SRGAP2B: variants seen among roughly 807,000 people sequenced by gnomAD.
The protein encoded by SRGAP2B is SLIT-ROBO Rho GTPase-activating protein 2B.
SRGAP2B carries 9 observed loss-of-function variants against 22.2 expected under a neutral mutation model. The ratio of observed to expected loss-of-function variants is 0.41; its 90% CI spans 0.24 to 0.71. The LOEUF (loss-of-function observed/expected upper bound fraction) is 0.71. Ranked by LOEUF, SRGAP2B falls within the 30% of genes least tolerant of loss-of-function variation. SRGAP2B has a pLI of 0.35. For synonymous variants in SRGAP2B, 36 were observed against 87.4 expected, an observed-to-expected ratio of 0.41 and a Z score of 3.28; for missense variants, 114 against 235.8, an observed-to-expected ratio of 0.48 and a Z score of 3.38.
intron 2 of SRGAP2B, among the ~76,000 whole-genome samples, chr1:145,010,739 G>C (rs1671992913): frequency 6.6e-6 from 1 of 150,528 alleles, no homozygotes; most frequent in Admixed American, 6.6e-5. Flanking sequence ...AACACTGGAA[G>C]AGAAAGTCCA....
At chr1:144,950,862 T>C (rs77926618) in intron 4 of SRGAP2B, among the ~76,000 whole-genome samples, 3,299 of 150,792 alleles carry the variant, frequency 0.022, 265 homozygotes, top group African/African-American at 0.077. Context: ...CTCTTCTTTT[T>C]TTCTGAGACG....
intron 4 of SRGAP2B, among the ~76,000 whole-genome samples, chr1:144,953,435 T>A (rs1276288121): frequency 3.3e-5 from 5 of 150,052 alleles, no homozygotes; most frequent in Non-Finnish European, 7.5e-5. Flanking sequence ...TATTAAATTA[T>A]AATAGGCATA....
chr1:144,905,735 T>C (rs1570714072), intron 6 of SRGAP2B, 124 bp downstream of exon 6: 4 of 702,086 alleles, frequency 5.7e-6, no homozygotes, highest in African/African-American at 1.9e-5. Context: ...TTTTCAGTCA[T>C]TAGGCACTAA....
At chr1:145,089,102 T>C (rs1285345480) in intron 2 of SRGAP2B, among the ~76,000 whole-genome samples, 5 of 151,390 alleles carry the variant, frequency 3.3e-5, no homozygotes, top group African/African-American at 1.2e-4. Flanking sequence ...CCATTATTTA[T>C]CAGGGACTTG....
intron 3 of SRGAP2B, among the ~76,000 whole-genome samples, chr1:144,963,006 C>T (rs56127661): frequency 0.24 from 35,704 of 147,876 alleles, 1,946 homozygotes; most frequent in Non-Finnish European, 0.34. Flanking sequence ...GGTCTTGTGG[C>T]TTGTGTGTAC....
intron 2 of SRGAP2B, among the ~76,000 whole-genome samples, chr1:145,061,825 T>G (rs1333427753): frequency 7.8e-6 from 1 of 128,734 alleles, no homozygotes; most frequent in Non-Finnish European, 1.6e-5. Context: ...TACATATTTT[T>G]AAGTTAAAAT....
chr1:144,923,606 TC>T (rs1664420651), intron 4 of SRGAP2B, among the ~76,000 whole-genome samples: 1 of 133,950 alleles, frequency 7.5e-6, no homozygotes, highest in African/African-American at 3.1e-5. Flanking sequence ...TGGGAGAGAA[TC>T]GGGGGAAAGA....
chr1:144,962,892 T>TC (rs1667783164), intron 3 of SRGAP2B, among the ~76,000 whole-genome samples: 1 of 151,846 alleles, frequency 6.6e-6, no homozygotes, highest in South Asian at 2.1e-4. Flanking sequence ...GGATCAACAT[T>TC]CTTTTTTCTG....
rs377171973 is a variant in SRGAP2B, at chr1:145,013,224, C to T, written c.68-18024G>A. 4.0e-3 allele frequency among the ~76,000 whole-genome samples: 591 copies of T among 147,640 alleles called. 38 individuals carry two copies. In the East Asian group the frequency reaches 0.11, roughly 27 times the overall value. ...AGTGAGAAGAAGATTTAAAAGTACCCGTGTGAGCCCCAGTGACACATGCAC... is the reference window on the plus strand; with the variant it reads ...AGTGAGAAGAAGATTTAAAAGTACCTGTGTGAGCCCCAGTGACACATGCAC... On this transcript the variant is annotated intron_variant, in intron 2 of 9. Transcript: ENST00000612199.
At chr1:145,076,016 C>T (rs1652468941) in intron 2 of SRGAP2B, among the ~76,000 whole-genome samples, 2 of 150,220 alleles carry the variant, frequency 1.3e-5, no homozygotes, top group African/African-American at 5.0e-5. Context: ...TTTATCTATA[C>T]AACCACCCTG....
chr1:144,994,033 ATTC>A lies in SRGAP2B; in HGVS notation c.260+972_260+974del, dbSNP rs1475793379. On this transcript the variant is annotated intron_variant, in intron 3 of 9. Transcript: ENST00000612199. ...CATATTTTATGGGTGGCCCAAGACAATTCTTCTTCTTCCAATGTGGCCCAGGGA... is the reference window on the plus strand; with the variant it reads ...CATATTTTATGGGTGGCCCAAGACAATTCTTCTTCCAATGTGGCCCAGGGA... Among the ~76,000 whole-genome samples, 8 of 149,412 alleles carry A rather than the reference ATTC, an allele frequency of 5.4e-5. No homozygotes were observed. In the East Asian group the frequency reaches 9.8e-4, roughly 18 times the overall value.
In SRGAP2B at chr1:145,082,225, TAAGGTC is replaced by T. The variant is rs1217218661; in HGVS notation, c.67+10604_67+10609del. 2.2e-4 allele frequency among the ~76,000 whole-genome samples: 32 copies of T among 146,350 alleles called. 1 individual carries two copies. Among genetic ancestry groups the T allele is most frequent in the Admixed American group, 4.6e-4 (7 of 15,070 alleles). On this transcript the variant is annotated intron_variant, in intron 2 of 9. Transcript: ENST00000612199. Reference sequence around the variant, plus strand: ...GAACCATTCATTCACAACGTATAAATAAGGTCAAGGGTATTTCATACCAAATGACTT... The same window carrying T: ...GAACCATTCATTCACAACGTATAAATAAGGGTATTTCATACCAAATGACTT...
chr1:144,965,039 T>G, intron 3 of SRGAP2B: 1 of 1,099,238 alleles, frequency 9.1e-7, no homozygotes, highest in Middle Eastern at 2.9e-4. Context: ...ATAATCTCAG[T>G]GATACCTTGA....
In SRGAP2B at chr1:144,910,507, C is replaced by T. The variant is rs1377506190; in HGVS notation, c.486+4185G>A. 2.0e-5 allele frequency among the ~76,000 whole-genome samples: 3 copies of T among 149,754 alleles called. 1 individual carries two copies. Among genetic ancestry groups the T allele is most frequent in the Non-Finnish European group, 4.4e-5 (3 of 67,870 alleles). ...TGAAGTAGCTCTGCCAGCACACAGCCGATGCTCCAAGCCAAGGGGATATAA... is the reference window on the plus strand; with the variant it reads ...TGAAGTAGCTCTGCCAGCACACAGCTGATGCTCCAAGCCAAGGGGATATAA... On this transcript the variant is annotated intron_variant, in intron 5 of 9. Coordinates refer to ENST00000612199, the Ensembl canonical transcript of SRGAP2B.
chr1:144,932,277 G>A (rs1558759230), intron 4 of SRGAP2B, among the ~76,000 whole-genome samples: 1 of 150,406 alleles, frequency 6.6e-6, no homozygotes, highest in East Asian at 1.9e-4. Flanking sequence ...TGCAGGTCAC[G>A]GCCATATTTA....
At chr1:144,895,873 C>CT (rs1158307404) in intron 8 of SRGAP2B, among the ~76,000 whole-genome samples, 1 of 54,816 alleles carries the variant, frequency 1.8e-5, no homozygotes, top group Non-Finnish European at 3.3e-5. Context: ...TCCACTCCTC[C>CT]TTTTTTTGGT....
intron 4 of SRGAP2B, among the ~76,000 whole-genome samples, chr1:144,934,170 C>T (rs1331516384): frequency 4.0e-5 from 6 of 150,292 alleles, no homozygotes; most frequent in African/African-American, 1.5e-4. Context: ...TTTGGGAGGC[C>T]GAGGCGGGTG....
intron 4 of SRGAP2B, among the ~76,000 whole-genome samples, chr1:144,925,722 G>GA (rs1176533550): frequency 1.1e-4 from 12 of 104,790 alleles, no homozygotes; most frequent in South Asian, 9.0e-4. Flanking sequence ...GAGAGAGAGA[G>GA]AAAGAAAAGA....
At chr1:144,978,972 G>C (rs1553614579) in intron 3 of SRGAP2B, among the ~76,000 whole-genome samples, 2 of 151,236 alleles carry the variant, frequency 1.3e-5, no homozygotes, top group Admixed American at 1.3e-4. Context: ...TTGGGGACTA[G>C]GGGATGGGGA....
Sources: allele counts gnomAD v4.1 joint callset (sites outside exome capture counted in the v4.1 genomes callset), GRCh38; gene constraint gnomAD v4.1.1; transcripts MANE v1.5; gene names NCBI Gene and HGNC (gene_info 2026-07-23, HGNC 2026-07-21).